The following AHRR variants were observed in gnomAD, a reference collection of about 807,000 sequenced individuals.
AHRR encodes the protein ahR repressor.
A neutral mutation model predicts 44.0 loss-of-function variants in AHRR; 28 were observed. That is an observed-to-expected ratio of 0.64 (90% CI 0.47 to 0.87). The LOEUF is 0.87. Ranked by LOEUF, AHRR falls within the 40% of genes least tolerant of loss-of-function variation. The probability of loss-of-function intolerance (pLI) is 0.00; values close to 1 mark genes in which losing one functional copy is unlikely to be tolerated. For missense variants in AHRR, 990 were observed against 953.9 expected (o/e 1.04, Z -0.50); for synonymous variants, 434 against 407.0 (o/e 1.07, Z -0.80).
intron 4 of AHRR, among the ~76,000 whole-genome samples, chr5:379,871 G>A (rs901339321): frequency 3.3e-5 from 5 of 152,024 alleles, no homozygotes; most frequent in Non-Finnish European, 7.4e-5. Context: ...TTCTCTTTTT[G>A]TAGATTGATT....
Position 432,536 on chromosome 5 carries a change from A to G in AHRR, c.970+12A>G, listed in dbSNP as rs921011885. ...CAATTACTCAGCAGGTACTTAGAAC[A>G]TTTCTTATCTGATCTTTTCCACATG... On this transcript the variant is annotated intron_variant, in intron 9 of 10. Coordinates refer to ENST00000684583, the MANE Select transcript of AHRR (RefSeq NM_001377236.1). 6.2e-7 allele frequency: 1 copy of G among 1,612,332 alleles called. No individual in the cohort carries two copies. The highest frequency in any genetic ancestry group is 8.5e-7 in the Non-Finnish European group (1 of 1,178,348).
At chr5:344,764 T>C (rs12519368) in intron 2 of AHRR, among the ~76,000 whole-genome samples, 1 of 9,944 alleles carries the variant, frequency 1.0e-4, no homozygotes, top group Non-Finnish European at 2.7e-4. Context: ...TGTGTGTGGG[T>C]GTGTGTGTGA....
rs193102625 is a variant in AHRR at position 386,235 on chromosome 5, A to G, written c.351+9519A>G. Among the ~76,000 whole-genome samples the G allele has an allele frequency of 9.3e-4, 142 of 152,234 alleles. 2 individuals carry two copies. The South Asian group carries it at 0.019, about 20-fold the overall frequency. ...CTCTGTTTATCATCTTTTCCCTTGA[A>G]TATTAGTCCCATATTCTGGTTCTTA... On this transcript the variant is annotated intron_variant, in intron 4 of 10. Coordinates refer to ENST00000684583, the MANE Select transcript of AHRR (RefSeq NM_001377236.1).
chr5:399,706 G>T (rs988920935), intron 4 of AHRR, among the ~76,000 whole-genome samples: 3 of 152,204 alleles, frequency 2.0e-5, no homozygotes, highest in Admixed American at 1.3e-4. Flanking sequence ...CAGCCAGAAG[G>T]GGGCCCAGGA....
chr5:397,316 T>TTAGCCCCTGACCATCCATG (rs1281687917), intron 4 of AHRR, among the ~76,000 whole-genome samples: 1 of 120,920 alleles, frequency 8.3e-6, no homozygotes, highest in African/African-American at 3.0e-5. Flanking sequence ...ACCATCCCTG[T>TTAGCCCCTGACCATCCATG]TAGCCCCTGA....
intron 3 of AHRR, among the ~76,000 whole-genome samples, chr5:372,692 C>T (rs572795563): frequency 4.5e-4 from 68 of 152,336 alleles, no homozygotes; most frequent in African/African-American, 1.6e-3. Context: ...CCTCCCCCGC[C>T]CCTACCAGGG....
At position 336,038 on chromosome 5, in the gene AHRR, C is replaced by T. The variant is rs1419931815; in HGVS notation, c.-10-7855C>T. Among the ~76,000 whole-genome samples, 3 of 152,352 alleles carry T rather than the reference C, an allele frequency of 2.0e-5. No homozygotes were observed. The East Asian group carries it at 5.8e-4, about 29-fold the overall frequency. On this transcript the variant is annotated intron_variant, in intron 1 of 10. Transcript: ENST00000684583. ...TGGCACTGCTTGTACCAGGAACATG[C>T]ACCGTCTGCTAAGAACTAGGATGGA...
intron 3 of AHRR, among the ~76,000 whole-genome samples, chr5:375,888 C>T (rs115875709): frequency 1.1e-3 from 163 of 152,302 alleles, no homozygotes; most frequent in African/African-American, 3.9e-3. Context: ...GTCATCTGTC[C>T]CCTTCTGCAC....
intron 6 of AHRR, 90 bp from the exon 7 acceptor site, chr5:423,751 G>C: frequency 6.8e-7 from 1 of 1,476,126 alleles, no homozygotes; most frequent in Non-Finnish European, 9.0e-7. Flanking sequence ...ACATGACCTG[G>C]CGCGTGAGAG....
chr5:351,667 C>T (rs1303909592), intron 2 of AHRR, among the ~76,000 whole-genome samples: 5 of 152,160 alleles, frequency 3.3e-5, no homozygotes, highest in East Asian at 1.9e-4. Flanking sequence ...GAGGTTTGCA[C>T]GGCTTAGCGA....
At chr5:354,898 C>A (rs1049033308) in intron 3 of AHRR, among the ~76,000 whole-genome samples, 1 of 152,156 alleles carries the variant, frequency 6.6e-6, no homozygotes, top group Non-Finnish European at 1.5e-5. Flanking sequence ...CCATGGGCTG[C>A]GGGAAGGAAA....
chr5:376,812 G>A (rs951355177), intron 4 of AHRR, 96 bp downstream of exon 4: 4 of 1,116,742 alleles, frequency 3.6e-6, no homozygotes, highest in African/African-American at 3.1e-5. Flanking sequence ...GCATGTTCAG[G>A]CCCTCACCCA....
chr5:378,860 C>A (rs778589139), intron 4 of AHRR, among the ~76,000 whole-genome samples: 2 of 152,246 alleles, frequency 1.3e-5, no homozygotes, highest in Non-Finnish European at 2.9e-5. Context: ...GTCTCACTGA[C>A]TGCTTAAGTT....
At position 337,515 on chromosome 5, in the gene AHRR, A is replaced by T. The variant is rs1579592588; in HGVS notation, c.-10-6378A>T. ...TGCCTTAGTCTCCTGAGTAGCTGAG[A>T]CTACAGACATGCGCCACCATGCTTG... is the stretch of plus-strand genomic sequence containing the variant. On this transcript the variant is annotated intron_variant, in intron 1 of 10. Coordinates refer to ENST00000684583, the MANE Select transcript of AHRR (RefSeq NM_001377236.1). This position sits in a 1 kb window ranked among gnomAD's most constrained non-coding sequence, Gnocchi z 4.1. 6.6e-6 allele frequency among the ~76,000 whole-genome samples: 1 copy of T among 152,314 alleles called. No homozygotes were observed. The highest frequency in any genetic ancestry group is 2.1e-4 in the South Asian group (1 of 4,822).
chr5:355,249 G>C (rs1742998255), intron 3 of AHRR, among the ~76,000 whole-genome samples: 1 of 152,050 alleles, frequency 6.6e-6, no homozygotes, highest in Non-Finnish European at 1.5e-5. Flanking sequence ...TTAAGATGTG[G>C]TGCAGTTGGT....
At chr5:382,363 T>G (rs1467350538) in intron 4 of AHRR, among the ~76,000 whole-genome samples, 1 of 152,238 alleles carries the variant, frequency 6.6e-6, no homozygotes, top group Non-Finnish European at 1.5e-5. Context: ...GAAGTTTTTC[T>G]TAGGTGAATT....
At chr5:417,429 G>A (rs1735878767) in intron 5 of AHRR, among the ~76,000 whole-genome samples, 1 of 152,036 alleles carries the variant, frequency 6.6e-6, no homozygotes, top group African/African-American at 2.4e-5. Flanking sequence ...CAGGGCCTGA[G>A]TCTGGAGAAG....
intron 3 of AHRR, chr5:367,905 G>C: frequency 1.4e-6 from 1 of 702,592 alleles, no homozygotes; most frequent in Non-Finnish European, 2.6e-6. Context: ...TGGACACCCA[G>C]GCCCTGAGAC....
Position 388,341 on chromosome 5 carries a change from G to C in AHRR, c.351+11625G>C, listed in dbSNP as rs948118800. On this transcript the variant is annotated intron_variant, in intron 4 of 10. Coordinates refer to ENST00000684583, the MANE Select transcript of AHRR (RefSeq NM_001377236.1). The surrounding 1 kb of genome is among the most constrained non-coding windows in gnomAD (Gnocchi z 5.2). ...GCGACTGCGCCTGGGGCTGCCCCAA[G>C]ACTGTGAAGCTCATGGACTCACGCA... Among the ~76,000 whole-genome samples, 8 of 152,254 alleles carry C rather than the reference G, an allele frequency of 5.3e-5. No homozygotes were observed. Among genetic ancestry groups the C allele is most frequent in the Non-Finnish European group, 1.0e-4 (7 of 68,044 alleles).
Sources: allele counts gnomAD v4.1 joint callset (sites outside exome capture counted in the v4.1 genomes callset), GRCh38; gene constraint gnomAD v4.1.1; non-coding constraint Gnocchi (gnomAD v3.1); transcripts MANE v1.5; gene names NCBI Gene and HGNC (gene_info 2026-07-23, HGNC 2026-07-21).